The following CNPY2 variants were observed in gnomAD, a reference collection of about 807,000 sequenced individuals.
CNPY2 encodes the protein protein canopy homolog 2.
CNPY2 carries 19 observed loss-of-function variants against 25.5 expected under a neutral mutation model. That is an observed-to-expected ratio of 0.74 (90% CI 0.52 to 1.09). The LOEUF is 1.09. Among genes scored for constraint, CNPY2 ranks in the 50% least tolerant of loss-of-function variants. The pLI is 0.00. For synonymous variants in CNPY2, 82 were observed against 85.0 expected (o/e 0.96, Z 0.19); for missense variants, 214 against 233.6 (o/e 0.92, Z 0.55).
chr12:56,314,338 C>G (rs928046462), intron 3 of CNPY2: 23 of 694,110 alleles, frequency 3.3e-5, no homozygotes, highest in Non-Finnish European at 4.1e-5. Context: ...GCACTGCTAA[C>G]TTTTGCATTT....
In CNPY2 at chr12:56,311,292, C is replaced by T; in HGVS notation, c.327G>A (p.Val109=). 1 of 1,614,172 alleles carries T rather than the reference C, an allele frequency of 6.2e-7. No individual in the cohort carries two copies. ...GTTCACTGGATTCTCCATTCCGGCC[C>T]ACTACACGTACGTAGTTCTTGCGAT... is the stretch of plus-strand genomic sequence containing the variant. ...STHRKNYVRV[V]GRNGESSELD... is the part of the protein sequence containing the mutation. Residue 109 remains valine (V), a synonymous_variant, in exon 4 of 6, where the codon GTG becomes GTA. Transcript: ENST00000273308.
chr12:56,314,548 C>T, intron 3 of CNPY2: 14 of 1,194,330 alleles, frequency 1.2e-5, no homozygotes, highest in Middle Eastern at 3.6e-4. Context: ...AGATTTTGAA[C>T]GGATGTTTGC....
Position 56,310,927 on chromosome 12 carries a change from T to C in CNPY2, c.505+31A>G, listed in dbSNP as rs757661177. On this transcript the variant is annotated intron_variant, in intron 5 of 5. Coordinates refer to ENST00000273308, the MANE Select transcript of CNPY2 (RefSeq NM_014255.7). The stretch of plus-strand genomic sequence containing the variant: ...GGAATGTCAGGTTCCACAGAGCTAC[T>C]AGAACAGGAGATAAAGTGGGGGCAG... 32 of 1,590,186 alleles carry C rather than the reference T, an allele frequency of 2.0e-5. No individual in the cohort carries two copies. The South Asian group carries it at 2.3e-4, about 12-fold the overall frequency.
chr12:56,310,459 A>T lies in CNPY2; in HGVS notation c.*93T>A. On this transcript the variant is annotated 3_prime_UTR_variant, in exon 6 of 6. Coordinates refer to ENST00000273308, the MANE Select transcript of CNPY2 (RefSeq NM_014255.7). ...CTTTTGGTTTCATATTTTTTCAGTT[A>T]ATTTCAGTAAAAACATAATATATAA... The T allele has an allele frequency of 7.7e-7, 1 of 1,293,630 alleles. No individual in the cohort carries two copies. Among genetic ancestry groups the T allele is most frequent in the Non-Finnish European group, 1.1e-6 (1 of 898,462 alleles). The allele number at this position is 1,293,630 out of a possible 1,614,324, so 80.1% of individuals were successfully genotyped here.
rs567326995 is a variant in CNPY2 at position 56,310,572 on chromosome 12, T to A, written c.529A>T (p.Ile177Leu). Residue 177 changes from isoleucine (I) to leucine (L), a missense_variant, in exon 6 of 6, where the codon ATA becomes TTA. By Grantham distance (5) the Ile-to-Leu change is conservative. Transcript: ENST00000273308. Reference sequence around the variant, plus strand: ...GTGGTTCATAGCTCATCATGCGATATGTGCAGGGCATGGTCACAAAGATCT... The same window carrying A: ...GTGGTTCATAGCTCATCATGCGATAAGTGCAGGGCATGGTCACAAAGATCT... ...RTDLCDHALH[I>L]SHDEL 160 of 1,614,246 alleles carry A rather than the reference T, an allele frequency of 9.9e-5. 2 individuals are homozygous for A. In the South Asian group the frequency reaches 1.7e-3, roughly 17 times the overall value.
intron 3 of CNPY2, among the ~76,000 whole-genome samples, chr12:56,313,905 C>CTT (rs35063385): frequency 1.4e-5 from 2 of 141,594 alleles, no homozygotes; most frequent in African/African-American, 5.2e-5. Context: ...CGCGCCCGGC[C>CTT]TTTTTTTTTT....
At chr12:56,313,637 G>A (rs984438683) in intron 3 of CNPY2, among the ~76,000 whole-genome samples, 6 of 147,374 alleles carry the variant, frequency 4.1e-5, no homozygotes, top group Admixed American at 4.1e-4. Flanking sequence ...GAGGAGTCTC[G>A]CTGTGTCGCC....
chr12:56,314,993 A>G lies in CNPY2; in HGVS notation c.89-27T>C, dbSNP rs1453738882. 3.7e-6 allele frequency: 6 copies of G among 1,613,244 alleles called. No homozygotes were observed. The South Asian group carries it at 6.6e-5, about 18-fold the overall frequency. ...TGGTGGAAGAGGAGAGAATGAGAGC[A>G]GGGGACAGGGTAGGGGGTAGGGTGT... On this transcript the variant is annotated intron_variant, in intron 2 of 5. Coordinates refer to ENST00000273308, the MANE Select transcript of CNPY2 (RefSeq NM_014255.7).
intron 1 of CNPY2, 124 bp from the exon 2 acceptor site, chr12:56,315,366 A>G (rs1450644931): frequency 6.4e-6 from 4 of 625,772 alleles, no homozygotes; most frequent in Non-Finnish European, 8.4e-6. Context: ...TTTCCAGGAA[A>G]TGGCCGGGAC....
intron 3 of CNPY2, among the ~76,000 whole-genome samples, chr12:56,313,098 A>G (rs1275381110): frequency 6.6e-6 from 1 of 152,132 alleles, no homozygotes; most frequent in Non-Finnish European, 1.5e-5. Flanking sequence ...TGTCATCTAC[A>G]TTAGGTATTT....
At chr12:56,314,748 G>T in intron 3 of CNPY2, 103 bp downstream of exon 3, 1 of 1,574,688 alleles carries the variant, frequency 6.4e-7, no homozygotes, top group Admixed American at 1.9e-5. Context: ...TTTTTTCTGA[G>T]TCTGTTTTCT....
chr12:56,312,222 CTTTTTTTTTTTTTTT>C (rs56822059), intron 3 of CNPY2, among the ~76,000 whole-genome samples: 8 of 135,838 alleles, frequency 5.9e-5, no homozygotes, highest in Admixed American at 2.9e-4. Flanking sequence ...CAAAGTACTT[CTTTTTTTTTTTTTTT>C]TTTTTTTTTT....
chr12:56,311,510 T>G lies in CNPY2; in HGVS notation c.205-96A>C, dbSNP rs1873716240. On this transcript the variant is annotated intron_variant, in intron 3 of 5. Coordinates refer to ENST00000273308, the MANE Select transcript of CNPY2 (RefSeq NM_014255.7). ...CTTTCCAAATCTAGCTCCAACAACC[T>G]ATTCTAAAAAGCTTTCCCTAATTGA... 3 of 1,212,736 alleles carry G rather than the reference T, an allele frequency of 2.5e-6. No homozygotes were observed. In the Admixed American group the frequency reaches 5.3e-5, roughly 22 times the overall value. The allele number at this position is 1,212,736 out of a possible 1,614,324, so 75.1% of individuals were successfully genotyped here.
In CNPY2 at chr12:56,311,254, C is replaced by A. The variant is rs757073100; in HGVS notation, c.365G>T (p.Gly122Val). Residue 122 changes from glycine to valine, a missense_variant, in exon 4 of 6, where the codon GGC becomes GTC. By Grantham distance (109) the Gly-to-Val change is moderately radical (BLOSUM62 -3). Coordinates refer to ENST00000273308, the MANE Select transcript of CNPY2 (RefSeq NM_014255.7). Reference protein sequence around the residue: ...NGESSELDLQGIRIDSDISGT... With the variant: ...NGESSELDLQVIRIDSDISGT... ...GCTAATATCTGAGTCGATTCGGATGCCTTGTAGGTCCAGTTCACTGGATTC... is the reference window on the plus strand; with the variant it reads ...GCTAATATCTGAGTCGATTCGGATGACTTGTAGGTCCAGTTCACTGGATTC... 1 of 1,614,184 alleles carries A rather than the reference C, an allele frequency of 6.2e-7. No homozygotes were observed. Among genetic ancestry groups the A allele is most frequent in the Non-Finnish European group, 8.5e-7 (1 of 1,180,034 alleles).
chr12:56,310,062 T>C lies in CNPY2; in HGVS notation c.*490A>G, dbSNP rs764088863. The C allele has an allele frequency of 4.4e-6, 3 of 689,168 alleles. No homozygotes were observed. In the South Asian group the frequency reaches 4.6e-5, roughly 11 times the overall value. 42.7% of individuals were successfully genotyped at this position (689,168 alleles called of 1,614,324 possible). On this transcript the variant is annotated 3_prime_UTR_variant, in exon 6 of 6. Coordinates refer to ENST00000273308, the MANE Select transcript of CNPY2 (RefSeq NM_014255.7). ...GGCAGGGAAGGAAGAATAATGCATA[T>C]CCGTTATTTCCTTCAAGACCAAGCC...
At chr12:56,312,245 T>TTTTTTTTTTTTTTTTTTG (rs1555165124) in intron 3 of CNPY2, among the ~76,000 whole-genome samples, 1 of 98,582 alleles carries the variant, frequency 1.0e-5, no homozygotes, top group African/African-American at 3.3e-5. Flanking sequence ...TTTTTTTTTT[T>TTTTTTTTTTTTTTTTTTG]TTTGAGACAG....
At chr12:56,314,773 C>T in intron 3 of CNPY2, 78 bp downstream of exon 3, 1 of 1,608,794 alleles carries the variant, frequency 6.2e-7, no homozygotes, top group South Asian at 1.1e-5. Context: ...TTCTATTAAA[C>T]CAAGGTCCTT....
In CNPY2 at chr12:56,310,608, A is replaced by G; in HGVS notation, c.506-13T>C. 6.2e-7 allele frequency: 1 copy of G among 1,614,150 alleles called. No homozygotes were observed. On this transcript the variant is annotated splice_polypyrimidine_tract_variant and intron_variant, in intron 5 of 5. Transcript: ENST00000273308. ...TGGTCACAAAGATCTGCAAATGGCA[A>G]ACAATTTAAAGGAATATGCCATTCT...
At chr12:56,313,371 T>C (rs1873777865) in intron 3 of CNPY2, among the ~76,000 whole-genome samples, 2 of 151,746 alleles carry the variant, frequency 1.3e-5, no homozygotes, top group African/African-American at 4.8e-5. Flanking sequence ...ATGCCTGTAA[T>C]CCCAGCTACT....
Sources: gnomAD v4.1 joint callset for allele counts (sites outside exome capture counted in the v4.1 genomes callset) on GRCh38, gnomAD v4.1.1 for gene constraint, MANE v1.5 for transcripts, NCBI Gene and HGNC (gene_info 2026-07-23, HGNC 2026-07-21) for gene names.